The following INPP4B variants were observed in gnomAD, a reference collection of about 807,000 sequenced individuals.
INPP4B encodes inositol polyphosphate 4-phosphatase type II.
A neutral mutation model predicts 122.5 loss-of-function variants in INPP4B; 55 were observed. That is an observed-to-expected ratio of 0.45 (90% confidence interval 0.36 to 0.56). INPP4B has a LOEUF of 0.56. INPP4B is among the 20% of genes least tolerant of loss of function. INPP4B has a pLI of 0.00. For synonymous variants in INPP4B, 403 were observed against 388.7 expected (o/e 1.04, Z -0.43); for missense variants, 1,000 against 1,097.7 (o/e 0.91, Z 1.26).
chr4:142,069,072 A>G (rs972474741), intron 25 of INPP4B, among the ~76,000 whole-genome samples: 6 of 152,246 alleles, frequency 3.9e-5, no homozygotes, highest in Non-Finnish European at 7.3e-5. Context: ...AATTGACCAC[A>G]GAGTTGGAAG....
In INPP4B at chr4:142,169,331, C is replaced by A. The variant is rs143802666; in HGVS notation, c.1359+4301G>T. ...ACTTCTAATACATACTTTTGCCAAT[C>A]TTAAAAAAACAAACAAAATTTCTAC... On this transcript the variant is annotated intron_variant, in intron 16 of 25. Coordinates refer to ENST00000262992, the MANE Select transcript of INPP4B (RefSeq NM_001101669.3). Among the ~76,000 whole-genome samples the A allele has an allele frequency of 4.9e-3, 737 of 151,642 alleles. 10 individuals are homozygous for A. The highest frequency in any genetic ancestry group is 0.017 in the African/African-American group (695 of 41,442).
At chr4:142,058,485 G>A (rs897553491) in intron 25 of INPP4B, among the ~76,000 whole-genome samples, 1 of 151,876 alleles carries the variant, frequency 6.6e-6, no homozygotes, top group Non-Finnish European at 1.5e-5. Context: ...AGCAATTTCA[G>A]GTCCTCTGTT....
chr4:142,469,353 TAAG>T (rs1560693708), intron 2 of INPP4B, among the ~76,000 whole-genome samples: 1 of 152,006 alleles, frequency 6.6e-6, no homozygotes, highest in Non-Finnish European at 1.5e-5. Flanking sequence ...AGGAAAATTA[TAAG>T]AAGCTATAAA....
At chr4:142,239,541 A>C (rs1487890264) in intron 11 of INPP4B, among the ~76,000 whole-genome samples, 1 of 152,190 alleles carries the variant, frequency 6.6e-6, no homozygotes, top group Non-Finnish European at 1.5e-5. Flanking sequence ...AAATATAAGA[A>C]CTTACAGCCA....
intron 14 of INPP4B, among the ~76,000 whole-genome samples, chr4:142,195,658 T>C (rs1033932047): frequency 5.3e-5 from 8 of 152,186 alleles, no homozygotes; most frequent in South Asian, 2.1e-4. Flanking sequence ...CTAAACTAAA[T>C]GTATTCTCAC....
At chr4:142,544,096 A>G (rs1388115488) in intron 2 of INPP4B, among the ~76,000 whole-genome samples, 1 of 124,408 alleles carries the variant, frequency 8.0e-6, no homozygotes, top group Non-Finnish European at 1.6e-5. Context: ...CTACTCAGGA[A>G]GTATAATGCA....
intron 17 of INPP4B, among the ~76,000 whole-genome samples, chr4:142,158,277 C>A (rs950326932): frequency 2.0e-5 from 3 of 152,080 alleles, no homozygotes; most frequent in Non-Finnish European, 4.4e-5. Context: ...TCTGGCAACA[C>A]CACTATGGCT....
intron 5 of INPP4B, 145 bp downstream of exon 5, chr4:142,429,028 C>A: frequency 1.8e-6 from 1 of 553,506 alleles, no homozygotes; most frequent in Non-Finnish European, 3.3e-6. Flanking sequence ...GAAAATAACA[C>A]CTACCTTATA....
At chr4:142,320,261 G>A (rs752331051) in intron 7 of INPP4B, among the ~76,000 whole-genome samples, 5 of 152,080 alleles carry the variant, frequency 3.3e-5, no homozygotes, top group Non-Finnish European at 7.4e-5. Flanking sequence ...ATTAGGTCAG[G>A]CTCTCCTCAG....
rs963873087 is a variant in INPP4B, at chr4:142,691,600, A to T, written c.-191+34239T>A. On this transcript the variant is annotated intron_variant, in intron 2 of 25. Coordinates refer to ENST00000262992, the MANE Select transcript of INPP4B (RefSeq NM_001101669.3). ...AGATTTAGAAAAAACACAAACTCAG[A>T]ATCCTGGTTACCTGACTCAGAAAAC... Among the ~76,000 whole-genome samples the T allele has an allele frequency of 3.9e-5, 6 of 152,270 alleles. No homozygotes were observed. The South Asian group carries it at 1.2e-3, about 32-fold the overall frequency.
intron 2 of INPP4B, among the ~76,000 whole-genome samples, chr4:142,671,493 A>G (rs946214134): frequency 6.6e-6 from 1 of 152,038 alleles, no homozygotes; most frequent in African/African-American, 2.4e-5. Context: ...CACCTTATAG[A>G]CTTGTTGCAA....
intron 2 of INPP4B, among the ~76,000 whole-genome samples, chr4:142,530,712 G>A (rs550829229): frequency 3.3e-5 from 5 of 152,108 alleles, no homozygotes; most frequent in South Asian, 4.2e-4. Flanking sequence ...GACTATGATC[G>A]AGTAGATGCC....
chr4:142,806,229 A>G lies in INPP4B; in HGVS notation c.-254+39980T>C, dbSNP rs1580961017. Among the ~76,000 whole-genome samples, 5 of 139,046 alleles carry G rather than the reference A, an allele frequency of 3.6e-5. No individual in the cohort carries two copies. In the South Asian group the frequency reaches 1.2e-3, roughly 35 times the overall value. 91.2% of individuals were successfully genotyped at this position (139,046 alleles called of 152,430 possible). On this transcript the variant is annotated intron_variant, in intron 1 of 25. Coordinates refer to ENST00000262992, the MANE Select transcript of INPP4B (RefSeq NM_001101669.3). ...GGGAGGCGGAGCTTGCAGTGAGCCG[A>G]GATGGCACCACTGCAGTCTGGCCTG...
At chr4:142,250,703 C>G (rs1011485648) in intron 11 of INPP4B, among the ~76,000 whole-genome samples, 2 of 151,910 alleles carry the variant, frequency 1.3e-5, no homozygotes, top group Non-Finnish European at 2.9e-5. Context: ...TAACATTTGA[C>G]TTTCATTTAG....
Position 142,767,544 on chromosome 4 carries a change from C to T in INPP4B, c.-253-41643G>A, listed in dbSNP as rs939954640. Reference sequence around the variant, plus strand: ...TTAGGCAAGTAACTTAGCTTAGCCTCTCTGTGCCTCTGTTTCAAATACACT... The same window carrying T: ...TTAGGCAAGTAACTTAGCTTAGCCTTTCTGTGCCTCTGTTTCAAATACACT... On this transcript the variant is annotated intron_variant, in intron 1 of 25. Transcript: ENST00000262992. 4 of 152,134 alleles carry T rather than the reference C, an allele frequency of 2.6e-5. No individual in the cohort carries two copies. The South Asian group carries it at 6.2e-4, about 24-fold the overall frequency. The allele number at this position is 152,134 out of a possible 1,614,324, so 9.4% of individuals were successfully genotyped here.
chr4:142,844,074 T>C (rs1036621670), intron 1 of INPP4B, among the ~76,000 whole-genome samples: 2 of 152,152 alleles, frequency 1.3e-5, no homozygotes, highest in Non-Finnish European at 2.9e-5. Flanking sequence ...ACAAAAATCT[T>C]ATGAGACATG....
At chr4:142,221,389 C>CAAAAAAAAAAAAAAAAAAAA (rs570703001) in intron 12 of INPP4B, among the ~76,000 whole-genome samples, 1 of 28,554 alleles carries the variant, frequency 3.5e-5, no homozygotes, top group Non-Finnish European at 6.1e-5. Context: ...GACTCCTTCT[C>CAAAAAAAAAAAAAAAAAAAA]AAAAAAAAAA....
At chr4:142,295,908 T>G (rs1758490572) in intron 9 of INPP4B, among the ~76,000 whole-genome samples, 2 of 152,150 alleles carry the variant, frequency 1.3e-5, no homozygotes, top group Non-Finnish European at 2.9e-5. Flanking sequence ...GTGATAATAA[T>G]GAAACTGACT....
chr4:142,270,293 G>T (rs1327865657), intron 10 of INPP4B, among the ~76,000 whole-genome samples: 2 of 152,190 alleles, frequency 1.3e-5, no homozygotes, highest in African/African-American at 4.8e-5. Flanking sequence ...GGTTTTGGGA[G>T]TAGAGAACAA....
Sources: gnomAD v4.1 joint callset for allele counts (sites outside exome capture counted in the v4.1 genomes callset) on GRCh38, gnomAD v4.1.1 for gene constraint, MANE v1.5 for transcripts, NCBI Gene and HGNC (gene_info 2026-07-23, HGNC 2026-07-21) for gene names.